Variants in LMF1 observed in about 807,000 individuals in gnomAD.
LMF1 encodes the protein transmembrane protein 112.
A neutral mutation model predicts 60.6 loss-of-function variants in LMF1; 68 were observed. That is an observed-to-expected ratio of 1.12 (90% CI 0.92 to 1.37). The LOEUF is 1.37. LMF1 is among the 40% of genes most tolerant of loss of function. LMF1 has a pLI of 0.00. For synonymous variants in LMF1, 418 were observed against 324.7 expected (o/e 1.29, Z -3.09); for missense variants, 948 against 767.2 (o/e 1.24, Z -2.78).
intron 3 of LMF1, among the ~76,000 whole-genome samples, chr16:919,198 A>C (rs953157949): frequency 6.6e-6 from 1 of 152,004 alleles, no homozygotes; most frequent in African/African-American, 2.4e-5. Context: ...CGGCGTTTCC[A>C]GGTGTGCTCA....
intron 6 of LMF1, among the ~76,000 whole-genome samples, chr16:876,687 C>T (rs940470162): frequency 1.3e-5 from 2 of 149,648 alleles, no homozygotes; most frequent in East Asian, 2.1e-4. Flanking sequence ...CGGACAGAGG[C>T]AGGCTGGGTG....
At chr16:929,324 T>C (rs1455584167) in intron 3 of LMF1, among the ~76,000 whole-genome samples, 1 of 152,154 alleles carries the variant, frequency 6.6e-6, no homozygotes, top group Non-Finnish European at 1.5e-5. Flanking sequence ...AACCAGGTGC[T>C]AGGCATGGCG....
At chr16:948,976 C>T (rs2151462970) in intron 2 of LMF1, among the ~76,000 whole-genome samples, 1 of 107,300 alleles carries the variant, frequency 9.3e-6, no homozygotes. Context: ...CAGAGTCAGT[C>T]AACGACAGAG....
intron 6 of LMF1, among the ~76,000 whole-genome samples, chr16:876,241 G>A (rs114990789): frequency 1.9e-3 from 287 of 152,360 alleles, no homozygotes; most frequent in Middle Eastern, 6.8e-3. Context: ...GCGCGGCCGC[G>A]GAGGGCAGGA....
chr16:868,243 AC>A (rs2069668576), intron 10 of LMF1, among the ~76,000 whole-genome samples: 2 of 151,106 alleles, frequency 1.3e-5, no homozygotes, highest in South Asian at 4.2e-4. Context: ...CCCCTCCCGT[AC>A]CCCAGCGGGG....
intron 2 of LMF1, among the ~76,000 whole-genome samples, chr16:939,270 C>T (rs771317859): frequency 6.6e-6 from 1 of 152,216 alleles, no homozygotes; most frequent in African/African-American, 2.4e-5. Context: ...GCCGTGAGCA[C>T]GAACCCTGGG....
intron 3 of LMF1, among the ~76,000 whole-genome samples, chr16:918,797 A>ACCCCGACTCTCACGCAGGGCCGG (rs1567237437): frequency 1.4e-5 from 1 of 71,648 alleles, no homozygotes; most frequent in African/African-American, 1.0e-4. Context: ...CGCGGGGCCG[A>ACCCCGACTCTCACGCAGGGCCGG]CGTCCCGGGG....
intron 10 of LMF1, among the ~76,000 whole-genome samples, chr16:862,690 T>C (rs1361248957): frequency 6.6e-6 from 1 of 152,010 alleles, no homozygotes; most frequent in Non-Finnish European, 1.5e-5. Context: ...AGATCCTGTC[T>C]CTACAAAAAC....
intron 1 of LMF1, among the ~76,000 whole-genome samples, chr16:966,716 G>A (rs562700665): frequency 8.5e-5 from 13 of 152,308 alleles, no homozygotes; most frequent in East Asian, 3.9e-4. Flanking sequence ...GCCTCAGGAC[G>A]GCCCAGCGGT....
At chr16:976,547 C>T (rs1035387162) in intron 1 of LMF1, 4 of 454,124 alleles carry the variant, frequency 8.8e-6, no homozygotes, top group Non-Finnish European at 1.8e-5. Context: ...GCTTGGGGCC[C>T]CAGGGCTCCT....
At chr16:953,367 C>T (rs1406958257) in intron 2 of LMF1, among the ~76,000 whole-genome samples, 1 of 87,480 alleles carries the variant, frequency 1.1e-5, no homozygotes, top group South Asian at 4.2e-4. Context: ...AGACACGGAC[C>T]CCAAACCAGC....
chr16:973,850 C>G (rs1596181473), upstream of LMF1, among the ~76,000 whole-genome samples: 1 of 151,774 alleles, frequency 6.6e-6, no homozygotes, highest in Non-Finnish European at 1.5e-5. Flanking sequence ...AATACAACAA[C>G]AACAACAAAA....
rs548137902 is a variant in LMF1, at chr16:950,158, A to G, written c.503+4199T>C. Among the ~76,000 whole-genome samples the G allele has an allele frequency of 1.1e-4, 12 of 107,000 alleles. 4 individuals carry two copies. Among genetic ancestry groups the G allele is most frequent in the Non-Finnish European group, 8.9e-5 (5 of 56,322 alleles). The allele number at this position is 107,000 out of a possible 152,430, so 70.2% of individuals were successfully genotyped here. A position where few individuals can be genotyped will look rare whatever the true frequency, so the allele number is the denominator to read the frequency against. On this transcript the variant is annotated intron_variant, in intron 2 of 10. Transcript: ENST00000262301. ...CAATGACAGAGTCAGAGCCAATGAC[A>G]GAGTCAGCCAACGACAGAGTCAGAG...
At chr16:969,423 G>A (rs987296383) in intron 1 of LMF1, among the ~76,000 whole-genome samples, 1 of 152,222 alleles carries the variant, frequency 6.6e-6, no homozygotes, top group Admixed American at 6.5e-5. Context: ...TTGTAGTGAT[G>A]AGCGCGTCTC....
Position 871,304 on chromosome 16 carries a change from T to C in LMF1, c.935A>G (p.Asn312Ser). 1.2e-6 allele frequency: 2 copies of C among 1,612,500 alleles called. No individual in the cohort carries two copies. The highest frequency in any genetic ancestry group is 1.7e-6 in the Non-Finnish European group (2 of 1,179,816). ...LIVSGNLSFL[N>S]WLTMVPSLAC... ...CAGGCTGGGCACCATAGTCAGCCAG[T>C]TCAGGAAGCTGAGGTTCCCGCTGAC... Residue 312 changes from asparagine (N) to serine (S), a missense_variant, in exon 7 of 11, where the codon AAC (asparagine) becomes AGC (serine). Coordinates refer to ENST00000262301, the MANE Select transcript of LMF1 (RefSeq NM_022773.4).
chr16:942,924 C>A (rs2072142378), intron 2 of LMF1, among the ~76,000 whole-genome samples: 1 of 152,226 alleles, frequency 6.6e-6, no homozygotes, highest in African/African-American at 2.4e-5. Flanking sequence ...TCTGTTTGTT[C>A]TTTAGCTTGG....
At position 910,348 on chromosome 16, in the gene LMF1, C is replaced by T. The variant is rs549276230; in HGVS notation, c.663+583G>A. Among the ~76,000 whole-genome samples, 18 of 152,302 alleles carry T rather than the reference C, an allele frequency of 1.2e-4. No individual in the cohort carries two copies. In the East Asian group the frequency reaches 3.3e-3, roughly 28 times the overall value. ...GGGCCCAGGAGGGAACCCGCCACCCCCACCCCGGGGCTCAGCAGGGAACCT... is the reference window on the plus strand; with the variant it reads ...GGGCCCAGGAGGGAACCCGCCACCCTCACCCCGGGGCTCAGCAGGGAACCT... On this transcript the variant is annotated intron_variant, in intron 4 of 10. Transcript: ENST00000262301.
At chr16:946,150 A>T (rs9328934) in intron 2 of LMF1, among the ~76,000 whole-genome samples, 74,823 of 152,024 alleles carry the variant, frequency 0.49, 20,706 homozygotes, top group African/African-American at 0.75. Context: ...TGCAAATGAC[A>T]CATGGGACAT....
chr16:970,892 G>T lies in LMF1; in HGVS notation c.89C>A (p.Pro30Gln). ...TGCGGGGCCACGCCCCGGCGCGGGC[G>T]GCGACTCAGGCTCCGGATCCGAGTA... is the stretch of plus-strand genomic sequence containing the variant. Reference protein sequence around the residue: ...TGYSDPEPESPPAPGRGPAGS... With the variant: ...TGYSDPEPESQPAPGRGPAGS... Residue 30 changes from proline to glutamine, a missense_variant, in exon 1 of 11, where the codon CCG becomes CAG. By Grantham distance (76) the Pro-to-Gln change is moderately conservative (BLOSUM62 -1). Transcript: ENST00000262301. The T allele has an allele frequency of 6.3e-7, 1 of 1,576,580 alleles. No individual in the cohort carries two copies. Among genetic ancestry groups the T allele is most frequent in the Non-Finnish European group, 8.6e-7 (1 of 1,163,456 alleles).
Sources: gnomAD v4.1 joint callset for allele counts (sites outside exome capture counted in the v4.1 genomes callset) on GRCh38, gnomAD v4.1.1 for gene constraint, MANE v1.5 for transcripts, NCBI Gene and HGNC (gene_info 2026-07-23, HGNC 2026-07-21) for gene names.